Variants in SLC16A4 observed in about 807,000 individuals in gnomAD.
SLC16A4 encodes the protein solute carrier family 16 member 4.
SLC16A4 carries 39 observed loss-of-function variants against 47.9 expected under a neutral mutation model. The ratio of observed to expected loss-of-function variants is 0.81; its 90% CI spans 0.63 to 1.06. The LOEUF (loss-of-function observed/expected upper bound fraction) is 1.06. SLC16A4 is among the 50% of genes least tolerant of loss of function. The pLI is 0.00. For synonymous variants in SLC16A4, 189 were observed against 199.9 expected, an observed-to-expected ratio of 0.95 and a Z score of 0.46; for missense variants, 524 against 573.8, an observed-to-expected ratio of 0.91 and a Z score of 0.89.
chr1:110,381,580 C>G, intron 4 of SLC16A4, 72 bp downstream of exon 4: 2 of 1,521,210 alleles, frequency 1.3e-6, no homozygotes, highest in Non-Finnish European at 1.8e-6. Context: ...TTTGGCCTCC[C>G]AAAGTGCTAG....
In SLC16A4 at chr1:110,389,350, A is replaced by C; in HGVS notation, c.-27T>G. On this transcript the variant is annotated 5_prime_UTR_variant, in exon 2 of 9. Transcript: ENST00000369779. ...ATGCCTCTTCTATTTTAAATGCAGA[A>C]GATCCCTGTGATAAATCCAAGACAG... 1 of 1,525,442 alleles carries C rather than the reference A, an allele frequency of 6.6e-7. No individual in the cohort carries two copies. The allele number at this position is 1,525,442 out of a possible 1,614,324, so 94.5% of individuals were successfully genotyped here. A position where few individuals can be genotyped will look rare whatever the true frequency, so the allele number is the denominator to read the frequency against.
chr1:110,378,268 T>G (rs1377701132), intron 6 of SLC16A4, among the ~76,000 whole-genome samples: 2 of 152,246 alleles, frequency 1.3e-5, no homozygotes, highest in Admixed American at 6.5e-5. Context: ...AATAAAACAT[T>G]ATTGAATGCT....
chr1:110,388,386 C>G (rs983487733), intron 2 of SLC16A4, among the ~76,000 whole-genome samples: 12 of 152,176 alleles, frequency 7.9e-5, no homozygotes, highest in Non-Finnish European at 1.6e-4. Flanking sequence ...TCCTCCCTTT[C>G]CAAACACATC....
At position 110,363,700 on chromosome 1, in the gene SLC16A4, G is replaced by GT. The variant is rs1385112858; in HGVS notation, c.*65dup. On this transcript the variant is annotated 3_prime_UTR_variant, in exon 9 of 9. Transcript: ENST00000369779. ...TGCGATGTGTTTCTTTCAAGCTTTT[G>GT]TTTCCAATGACATTAGTTTAGGTTT... 3 of 1,348,264 alleles carry GT rather than the reference G, an allele frequency of 2.2e-6. No individual in the cohort carries two copies. In the African/African-American group the frequency reaches 4.5e-5, roughly 20 times the overall value. The allele number at this position is 1,348,264 out of a possible 1,614,324, so 83.5% of individuals were successfully genotyped here.
chr1:110,368,290 C>A (rs985423562), intron 8 of SLC16A4, among the ~76,000 whole-genome samples: 2 of 152,168 alleles, frequency 1.3e-5, no homozygotes, highest in Non-Finnish European at 2.9e-5. Flanking sequence ...AGATTACATA[C>A]CAGTTATAAT....
At chr1:110,381,843 A>G in intron 3 of SLC16A4, 48 bp from the exon 4 acceptor site, 1 of 1,534,460 alleles carries the variant, frequency 6.5e-7, no homozygotes, top group Non-Finnish European at 8.9e-7. Flanking sequence ...ATGATCTGGC[A>G]TCCCTTATCC....
rs758933214 is a variant in SLC16A4, at chr1:110,382,898, A to G, written c.156T>C (p.Phe52=). The G allele has an allele frequency of 1.9e-6, 3 of 1,613,146 alleles. No individual in the cohort carries two copies. Among genetic ancestry groups the G allele is most frequent in the Admixed American group, 3.3e-5 (2 of 59,938 alleles). Residue 52 remains phenylalanine (F), a synonymous_variant, in exon 3 of 9, where the codon TTT becomes TTC. Coordinates refer to ENST00000369779, the MANE Select transcript of SLC16A4 (RefSeq NM_004696.3). ...AIFFVVFQEE[F]EGTSEQIGWI... ...AACCAATTTGCTCTGAGGTGCCTTC[A>G]AACTCTTCTTGAAAGACCACAAAGA...
intron 8 of SLC16A4, among the ~76,000 whole-genome samples, chr1:110,368,334 C>T (rs138761099): frequency 3.8e-4 from 58 of 152,298 alleles, no homozygotes; most frequent in African/African-American, 1.3e-3. Flanking sequence ...AATGTTCACT[C>T]TATGCCTGGT....
At position 110,366,494 on chromosome 1, in the gene SLC16A4, C is replaced by G. The variant is rs149222475; in HGVS notation, c.1337-2601G>C. Among the ~76,000 whole-genome samples the G allele has an allele frequency of 3.3e-5, 5 of 152,174 alleles. No individual in the cohort carries two copies. In the South Asian group the frequency reaches 1.0e-3, roughly 32 times the overall value. On this transcript the variant is annotated intron_variant, in intron 8 of 8. Transcript: ENST00000369779. ...AGTATTAAAATATAGTCATGTGGCACATAACAGGACAAACCTCATGAGGTT... is the reference window on the plus strand; with the variant it reads ...AGTATTAAAATATAGTCATGTGGCAGATAACAGGACAAACCTCATGAGGTT...
At chr1:110,387,008 C>A (rs1270443137) in intron 2 of SLC16A4, among the ~76,000 whole-genome samples, 1 of 152,182 alleles carries the variant, frequency 6.6e-6, no homozygotes, top group African/African-American at 2.4e-5. Context: ...TATCACATCC[C>A]TGCTTAATTT....
chr1:110,383,021 G>A, intron 2 of SLC16A4, 55 bp from the exon 3 acceptor site: 1 of 1,463,980 alleles, frequency 6.8e-7, no homozygotes, highest in Non-Finnish European at 9.2e-7. Context: ...CATTACAGAG[G>A]CAATTACGGC....
At chr1:110,373,164 T>C (rs1031629659) in intron 8 of SLC16A4, among the ~76,000 whole-genome samples, 10 of 152,184 alleles carry the variant, frequency 6.6e-5, no homozygotes, top group Non-Finnish European at 1.5e-4. Flanking sequence ...TATTTAAACA[T>C]TTTATTTTAA....
chr1:110,380,530 C>CT (rs1662313190), intron 5 of SLC16A4, among the ~76,000 whole-genome samples: 2 of 144,506 alleles, frequency 1.4e-5, no homozygotes, highest in African/African-American at 5.1e-5. Flanking sequence ...GTATTTGTTT[C>CT]TTTTTTATCT....
chr1:110,367,987 C>T (rs1242632695), intron 8 of SLC16A4, among the ~76,000 whole-genome samples: 2 of 152,076 alleles, frequency 1.3e-5, no homozygotes, highest in Non-Finnish European at 2.9e-5. Context: ...CGCCACCGTG[C>T]CCGGCTAATT....
intron 2 of SLC16A4, among the ~76,000 whole-genome samples, chr1:110,383,322 C>T (rs1662529611): frequency 6.6e-6 from 1 of 152,134 alleles, no homozygotes; most frequent in South Asian, 2.1e-4. Flanking sequence ...AAGAGTTATT[C>T]CCACAGAGCC....
chr1:110,389,096 G>C (rs1662884272), intron 2 of SLC16A4, 141 bp downstream of exon 2: 2 of 773,990 alleles, frequency 2.6e-6, no homozygotes, highest in Non-Finnish European at 4.5e-6. Flanking sequence ...GTTTTTGGCA[G>C]CTCCTGGCCT....
chr1:110,364,473 A>G (rs1229027990), intron 8 of SLC16A4, among the ~76,000 whole-genome samples: 1 of 149,994 alleles, frequency 6.7e-6, no homozygotes, highest in South Asian at 2.1e-4. Context: ...TTAAACAATG[A>G]CAAGTTCCCC....
At chr1:110,372,036 TAAG>T (rs1421598555) in intron 8 of SLC16A4, 1 of 152,214 alleles carries the variant, frequency 6.6e-6, no homozygotes, top group Non-Finnish European at 1.5e-5. Flanking sequence ...TAAAAAAAAA[TAAG>T]AATATGGTTC....
Position 110,378,866 on chromosome 1 carries a change from A to G in SLC16A4, c.1017T>C (p.Leu339=), listed in dbSNP as rs778218247. 7.5e-6 allele frequency: 12 copies of G among 1,607,158 alleles called. No homozygotes were observed. Among genetic ancestry groups the G allele is most frequent in the Middle Eastern group, 1.7e-4 (1 of 6,032 alleles). ...LGIDIMDASY[L]VSVAGILETV... Reference sequence around the variant, plus strand: ...AGGCTTTCTTACCTGCTACAGAAACAAGGTAAGAGGCATCCATGATGTCAA... The same window carrying G: ...AGGCTTTCTTACCTGCTACAGAAACGAGGTAAGAGGCATCCATGATGTCAA... Residue 339 remains leucine (L), a synonymous_variant, in exon 6 of 9, where the codon CTT becomes CTC. Coordinates refer to ENST00000369779, the MANE Select transcript of SLC16A4 (RefSeq NM_004696.3).
Sources: gnomAD v4.1 joint callset for allele counts (sites outside exome capture counted in the v4.1 genomes callset) on GRCh38, gnomAD v4.1.1 for gene constraint, MANE v1.5 for transcripts, NCBI Gene and HGNC (gene_info 2026-07-23, HGNC 2026-07-21) for gene names.